FGF14: variants seen among roughly 807,000 people sequenced by gnomAD.
FGF14 encodes fibroblast growth factor homologous factor 4.
A neutral mutation model predicts 25.5 loss-of-function variants in FGF14; 5 were observed. The ratio of observed to expected loss-of-function variants is 0.20; its 90% CI spans 0.10 to 0.41. The LOEUF (loss-of-function observed/expected upper bound fraction) is 0.41, where lower values mean the gene tolerates loss of function less well. Among genes scored for constraint, FGF14 ranks in the 10% least tolerant of loss-of-function variants. FGF14 has a pLI of 1.00. For synonymous variants in FGF14, 138 were observed against 118.3 expected (o/e 1.17, Z -1.08); for missense variants, 222 against 320.1 (o/e 0.69, Z 2.34).
intron 1 of FGF14, among the ~76,000 whole-genome samples, chr13:102,222,124 C>T (rs9300720): frequency 0.81 from 123,028 of 152,144 alleles, 50,144 homozygotes; most frequent in African/African-American, 0.91. Context: ...ACTCTGAACA[C>T]AGAATATAGC....
chr13:101,900,020 T>C (rs9300701), intron 1 of FGF14, among the ~76,000 whole-genome samples: 46,632 of 152,042 alleles, frequency 0.31, 7,579 homozygotes, highest in East Asian at 0.45. Flanking sequence ...AGTCTAGAAA[T>C]TTAGTAATTT....
At chr13:102,095,182 G>C (rs1163715354) in intron 1 of FGF14, among the ~76,000 whole-genome samples, 1 of 152,122 alleles carries the variant, frequency 6.6e-6, no homozygotes, top group Non-Finnish European at 1.5e-5. Context: ...ATCTATCAAG[G>C]AAATTATTTA....
Position 101,722,538 on chromosome 13 carries a change from G to A in FGF14, c.*293C>T, listed in dbSNP as rs1566815816. 6.7e-6 allele frequency: 3 copies of A among 447,264 alleles called. No homozygotes were observed. In the East Asian group the frequency reaches 1.4e-4, roughly 21 times the overall value. The allele number at this position is 447,264 out of a possible 1,614,324, so 27.7% of individuals were successfully genotyped here. A position where few individuals can be genotyped will look rare whatever the true frequency, so the allele number is the denominator to read the frequency against. On this transcript the variant is annotated 3_prime_UTR_variant, in exon 5 of 5. Coordinates refer to ENST00000376143, the MANE Select transcript of FGF14 (RefSeq NM_004115.4). Reference sequence around the variant, plus strand: ...GCAAGGTATCGAGTGTACTTGTGAAGTATGTCATTCACATGAAGTGTCACA... The same window carrying A: ...GCAAGGTATCGAGTGTACTTGTGAAATATGTCATTCACATGAAGTGTCACA...
chr13:101,951,746 TTAA>T (rs1300959754), intron 1 of FGF14, among the ~76,000 whole-genome samples: 2 of 152,206 alleles, frequency 1.3e-5, no homozygotes, highest in African/African-American at 4.8e-5. Context: ...TGGAATCTAA[TTAA>T]TAATTATGTG....
intron 1 of FGF14, among the ~76,000 whole-genome samples, chr13:102,039,708 A>C (rs1334399878): frequency 6.6e-6 from 1 of 152,130 alleles, no homozygotes; most frequent in Admixed American, 6.6e-5. Context: ...CAATTTCCAC[A>C]TATGGTCACA....
At chr13:101,766,027 C>A (rs1337889610) in intron 3 of FGF14, among the ~76,000 whole-genome samples, 1 of 152,146 alleles carries the variant, frequency 6.6e-6, no homozygotes, top group African/African-American at 2.4e-5. Flanking sequence ...CTGTGCCTGG[C>A]CAGCCTTTTA....
chr13:102,211,238 G>A (rs2050145432), intron 1 of FGF14, among the ~76,000 whole-genome samples: 2 of 151,964 alleles, frequency 1.3e-5, no homozygotes. Context: ...ACACACTCTG[G>A]TCAGTCTCTT....
intron 3 of FGF14, among the ~76,000 whole-genome samples, chr13:101,794,387 CT>C (rs1295835121): frequency 3.3e-5 from 5 of 152,062 alleles, no homozygotes; most frequent in African/African-American, 1.2e-4. Context: ...GTTGGGTAGA[CT>C]TTCTGGCCCT....
intron 4 of FGF14, among the ~76,000 whole-genome samples, chr13:101,724,276 A>C (rs2035209633): frequency 2.0e-5 from 3 of 151,974 alleles, no homozygotes; most frequent in Admixed American, 1.3e-4. Flanking sequence ...TGCAGCCATA[A>C]AAAATGATGA....
chr13:102,394,659 T>G (rs1449803793), intron 1 of FGF14: 1 of 152,256 alleles, frequency 6.6e-6, no homozygotes, highest in Non-Finnish European at 1.5e-5. Context: ...GAGCCGAGGC[T>G]GGGAGCGCGG....
At chr13:102,161,766 T>C (rs1244801457) in intron 1 of FGF14, among the ~76,000 whole-genome samples, 1 of 151,382 alleles carries the variant, frequency 6.6e-6, no homozygotes, top group African/African-American at 2.4e-5. Flanking sequence ...GACTAAGCTC[T>C]ATGTGGGCAG....
In FGF14 at chr13:101,722,012, G is replaced by GTGAT. The variant is rs1555369639; in HGVS notation, c.*815_*818dup. The GTGAT allele has an allele frequency of 2.0e-5, 3 of 152,042 alleles. No individual in the cohort carries two copies. The highest frequency in any genetic ancestry group is 2.9e-5 in the Non-Finnish European group (2 of 68,038). 9.4% of individuals were successfully genotyped at this position (152,042 alleles called of 1,614,324 possible). A position where few individuals can be genotyped will look rare whatever the true frequency, so the allele number is the denominator to read the frequency against. ...AAATGTTACCATTACCAGTAAGCTT[G>GTGAT]TGATATGTATAAAACACACACACAC... On this transcript the variant is annotated 3_prime_UTR_variant, in exon 5 of 5. Coordinates refer to ENST00000376143, the MANE Select transcript of FGF14 (RefSeq NM_004115.4).
intron 3 of FGF14, among the ~76,000 whole-genome samples, chr13:101,765,431 ATTAGG>A (rs1231734505): frequency 6.6e-6 from 1 of 152,140 alleles, no homozygotes; most frequent in African/African-American, 2.4e-5. Flanking sequence ...ACTGCCATAG[ATTAGG>A]TTAATAGTGG....
intron 1 of FGF14, among the ~76,000 whole-genome samples, chr13:102,301,193 A>G (rs2055034443): frequency 1.3e-5 from 2 of 152,336 alleles, no homozygotes; most frequent in South Asian, 2.1e-4. Context: ...CTTAATTGAC[A>G]AAATTGGCCA....
intron 1 of FGF14, among the ~76,000 whole-genome samples, chr13:102,187,421 A>G (rs887824079): frequency 6.6e-5 from 10 of 152,204 alleles, no homozygotes; most frequent in African/African-American, 2.4e-4. Context: ...AGAATCCTAG[A>G]ATTCCTGATT....
rs145167661 is a variant in FGF14 at position 102,104,570 on chromosome 13, G to C, written c.209-229274C>G. On this transcript the variant is annotated intron_variant, in intron 1 of 4. Transcript: ENST00000376131. The stretch of plus-strand genomic sequence containing the variant: ...ACAGGTGGATCACTGGAGCCCAGGA[G>C]TTGGAGACCAGCCTGGGTAACATGG... Among the ~76,000 whole-genome samples the C allele has an allele frequency of 5.3e-5, 8 of 152,284 alleles. No individual in the cohort carries two copies. The East Asian group carries it at 1.5e-3, about 29-fold the overall frequency.
At chr13:101,999,525 G>T (rs2039367071) in intron 1 of FGF14, among the ~76,000 whole-genome samples, 1 of 152,184 alleles carries the variant, frequency 6.6e-6, no homozygotes, top group Admixed American at 6.5e-5. Flanking sequence ...GAGGACAGAA[G>T]AATCCATGAG....
chr13:102,171,277 A>G (rs1213993642), intron 1 of FGF14, among the ~76,000 whole-genome samples: 2 of 152,206 alleles, frequency 1.3e-5, no homozygotes, highest in Non-Finnish European at 1.5e-5. Flanking sequence ...AAAGACACTT[A>G]CAACTTCCCA....
At chr13:102,354,474 C>A (rs570585534) in intron 1 of FGF14, among the ~76,000 whole-genome samples, 3 of 152,328 alleles carry the variant, frequency 2.0e-5, no homozygotes, top group East Asian at 1.9e-4. Context: ...CTCCTACCCA[C>A]TGCAAGTTGT....
Sources: gnomAD v4.1 joint callset for allele counts (sites outside exome capture counted in the v4.1 genomes callset) on GRCh38, gnomAD v4.1.1 for gene constraint, MANE v1.5 for transcripts, NCBI Gene and HGNC (gene_info 2026-07-23, HGNC 2026-07-21) for gene names.